Variants in AKAP6 observed in about 807,000 individuals in gnomAD.
AKAP6 encodes the protein A-kinase anchoring protein 6, also known as A-kinase anchor protein 6.
Under a neutral mutation model 188.5 loss-of-function variants are expected in AKAP6, and 58 were observed. The observed-to-expected ratio is 0.31, with a 90% CI of 0.25 to 0.38. The LOEUF is 0.38. AKAP6 is among the 10% of genes least tolerant of loss of function. AKAP6 has a pLI of 1.00. For missense variants in AKAP6, 2,710 were observed against 2,740.0 expected (o/e 0.99, Z 0.24); for synonymous variants, 989 against 998.6 (o/e 0.99, Z 0.18).
At chr14:32,539,564 G>A (rs541740223) in intron 3 of AKAP6, among the ~76,000 whole-genome samples, 1 of 152,290 alleles carries the variant, frequency 6.6e-6, no homozygotes, top group African/African-American at 2.4e-5. Context: ...TGCTTTAGAT[G>A]TGGAAGAGGG....
rs115712036 is a variant in AKAP6, at chr14:32,434,074, G to T, written c.324+257G>T. On this transcript the variant is annotated intron_variant, in intron 2 of 13. Transcript: ENST00000280979. Reference sequence around the variant, plus strand: ...TGGGGAAAGGGAGGGGTATTTTTGTGCAGTGTTATCAAAATAAGTTACACA... The same window carrying T: ...TGGGGAAAGGGAGGGGTATTTTTGTTCAGTGTTATCAAAATAAGTTACACA... 206 of 425,324 alleles carry T rather than the reference G, an allele frequency of 4.8e-4. 2 individuals are homozygous for T. Among genetic ancestry groups the T allele is most frequent in the African/African-American group, 2.7e-3 (138 of 51,402 alleles). The allele number at this position is 425,324 out of a possible 1,614,324, so 26.3% of individuals were successfully genotyped here.
intron 1 of AKAP6, among the ~76,000 whole-genome samples, chr14:32,349,807 C>T (rs1300736171): frequency 6.6e-6 from 1 of 152,026 alleles, no homozygotes; most frequent in Admixed American, 6.6e-5. Flanking sequence ...ATGGCTAATA[C>T]TAGGGGCAGG....
At position 32,824,614 on chromosome 14, in the gene AKAP6, A is replaced by T. The variant is rs35977369; in HGVS notation, c.6801A>T (p.Glu2267Asp). ...CAGGTGAATCTGGAATGCCAGAAGA[A>T]CATAATGCTGCTTCAGCCAAATCTA... ...GKPGESGMPEEHNAASAKSKV... is the reference protein window; with the variant it reads ...GKPGESGMPEDHNAASAKSKV... The change falls in exon 13 of 14, where the codon GAA becomes GAT. Residue 2267 changes from glutamate to aspartate, a missense_variant. Transcript: ENST00000280979. 3.1e-3 allele frequency: 4,948 copies of T among 1,613,932 alleles called. 103 individuals are homozygous for T. In the African/African-American group the frequency reaches 0.053, roughly 17 times the overall value.
At chr14:32,829,452 T>G (rs1043193399) in intron 13 of AKAP6, among the ~76,000 whole-genome samples, 1 of 152,346 alleles carries the variant, frequency 6.6e-6, no homozygotes, top group East Asian at 1.9e-4. Flanking sequence ...TTGTACATTG[T>G]AAATATTTTG....
At chr14:32,446,642 T>A (rs1482981096) in intron 2 of AKAP6, among the ~76,000 whole-genome samples, 1 of 152,078 alleles carries the variant, frequency 6.6e-6, no homozygotes, top group Non-Finnish European at 1.5e-5. Context: ...AGGCTTAGAT[T>A]TCCTATAGAT....
At chr14:32,523,899 A>G (rs1274427640) in intron 2 of AKAP6, among the ~76,000 whole-genome samples, 7 of 152,150 alleles carry the variant, frequency 4.6e-5, no homozygotes. Flanking sequence ...TAGAAAGTAA[A>G]GAGGACAGAA....
chr14:32,644,076 A>G (rs74700492), intron 7 of AKAP6, among the ~76,000 whole-genome samples: 2,363 of 152,290 alleles, frequency 0.016, 56 homozygotes, highest in African/African-American at 0.053. Flanking sequence ...TCAGTTGCAG[A>G]CCCTTGAGGA....
chr14:32,781,953 A>G (rs998739245), intron 12 of AKAP6, among the ~76,000 whole-genome samples: 1 of 152,092 alleles, frequency 6.6e-6, no homozygotes, highest in South Asian at 2.1e-4. Context: ...ACTTGAGGCC[A>G]GGAGTTCGAG....
At chr14:32,794,188 C>G (rs573832777) in intron 12 of AKAP6, among the ~76,000 whole-genome samples, 5 of 152,230 alleles carry the variant, frequency 3.3e-5, no homozygotes, top group South Asian at 2.1e-4. Flanking sequence ...GAGAAATTCA[C>G]TCAAAATCAC....
intron 2 of AKAP6, among the ~76,000 whole-genome samples, chr14:32,494,525 T>G (rs75592440): frequency 0.021 from 3,179 of 152,298 alleles, 117 homozygotes; most frequent in African/African-American, 0.072. Flanking sequence ...AAAGGAGAAC[T>G]AAGTTTCATA....
At chr14:32,594,266 C>A (rs766264825) in intron 5 of AKAP6, among the ~76,000 whole-genome samples, 65 of 152,154 alleles carry the variant, frequency 4.3e-4, no homozygotes, top group Non-Finnish European at 7.8e-4. Flanking sequence ...CAACCCTGTA[C>A]AAATTATATT....
chr14:32,404,577 A>G (rs1467308682), intron 1 of AKAP6, among the ~76,000 whole-genome samples: 2 of 150,696 alleles, frequency 1.3e-5, no homozygotes, highest in Non-Finnish European at 3.0e-5. Flanking sequence ...CTCCATTTCC[A>G]TGATCCTCAG....
chr14:32,523,124 C>T (rs760972376), intron 2 of AKAP6, among the ~76,000 whole-genome samples: 13 of 134,202 alleles, frequency 9.7e-5, no homozygotes, highest in Middle Eastern at 3.7e-3. Flanking sequence ...GGGAATTGAA[C>T]AATGAGAACA....
intron 1 of AKAP6, among the ~76,000 whole-genome samples, chr14:32,399,936 G>A (rs1031582115): frequency 6.6e-6 from 1 of 152,100 alleles, no homozygotes; most frequent in Admixed American, 6.5e-5. Flanking sequence ...GTGAGTTAAG[G>A]TTGCAAGCTT....
chr14:32,823,000 A>C lies in AKAP6; in HGVS notation c.5187A>C (p.Glu1729Asp), dbSNP rs1200950896. 2 of 1,613,926 alleles carry C rather than the reference A, an allele frequency of 1.2e-6. No individual in the cohort carries two copies. Among genetic ancestry groups the C allele is most frequent in the Admixed American group, 3.3e-5 (2 of 59,962 alleles). The change falls in exon 13 of 14, where the codon GAA (glutamate) becomes GAC (aspartate). Residue 1729 changes from glutamate to aspartate, a missense_variant. Physicochemically the swap from Glu to Asp is conservative, Grantham distance 45 (BLOSUM62 2). Around this residue, in one of 2 missense-constraint regions of AKAP6, gnomAD observed 2,473 missense variants for 2,426.1 expected, o/e 1.02. Transcript: ENST00000280979. ...RKRLTRSVAD[E>D]SDVNVSMIVN... Reference sequence around the variant, plus strand: ...GTCTGACTCGTTCAGTGGCTGATGAAAGCGATGTCAATGTCAGCATGATTG... The same window carrying C: ...GTCTGACTCGTTCAGTGGCTGATGACAGCGATGTCAATGTCAGCATGATTG...
At chr14:32,512,673 G>T (rs1048876305) in intron 2 of AKAP6, among the ~76,000 whole-genome samples, 2 of 152,120 alleles carry the variant, frequency 1.3e-5, no homozygotes, top group Admixed American at 1.3e-4. Flanking sequence ...CCACAGTATT[G>T]GAATTCGATA....
intron 1 of AKAP6, among the ~76,000 whole-genome samples, chr14:32,419,215 G>A (rs535147653): frequency 6.6e-6 from 1 of 152,324 alleles, no homozygotes; most frequent in African/African-American, 2.4e-5. Flanking sequence ...AGAATATTCA[G>A]AGGGAGGATC....
intron 7 of AKAP6, among the ~76,000 whole-genome samples, chr14:32,620,930 A>G (rs747240771): frequency 1.3e-5 from 2 of 151,906 alleles, no homozygotes; most frequent in East Asian, 1.9e-4. Context: ...CATTTCCTCT[A>G]GATTTTTTAG....
intron 12 of AKAP6, among the ~76,000 whole-genome samples, chr14:32,788,340 T>TA (rs2033494364): frequency 6.6e-6 from 1 of 152,158 alleles, no homozygotes; most frequent in South Asian, 2.1e-4. Flanking sequence ...TGATAAACTA[T>TA]AAAAACCCTA....
Sources: allele counts gnomAD v4.1 joint callset (sites outside exome capture counted in the v4.1 genomes callset), GRCh38; gene constraint gnomAD v4.1.1; regional missense constraint gnomAD v4.1.1; transcripts MANE v1.5; gene names NCBI Gene and HGNC (gene_info 2026-07-23, HGNC 2026-07-21).